SUGCT: variants seen among roughly 807,000 people sequenced by gnomAD.
The protein encoded by SUGCT is succinyl-CoA:glutarate-CoA transferase.
A neutral mutation model predicts 55.0 loss-of-function variants in SUGCT; 41 were observed. The observed-to-expected ratio is 0.74, with a 90% CI of 0.58 to 0.97. SUGCT has a LOEUF of 0.97. Ranked by LOEUF, SUGCT falls within the 50% of genes least tolerant of loss-of-function variation. The probability of loss-of-function intolerance (pLI) is 0.00; values close to 1 mark genes in which losing one functional copy is unlikely to be tolerated. For synonymous variants in SUGCT, 187 were observed against 200.4 expected (o/e 0.93, Z 0.56); for missense variants, 568 against 547.8 (o/e 1.04, Z -0.37).
At chr7:40,370,625 G>GGA (rs1338477034) in intron 9 of SUGCT, among the ~76,000 whole-genome samples, 1 of 141,046 alleles carries the variant, frequency 7.1e-6, no homozygotes, top group Non-Finnish European at 1.5e-5. Flanking sequence ...GAGAGATGGG[G>GGA]GAGAGAGAGA....
At chr7:40,790,772 G>A (rs1001037762) in intron 13 of SUGCT, among the ~76,000 whole-genome samples, 4 of 152,198 alleles carry the variant, frequency 2.6e-5, no homozygotes, top group African/African-American at 9.7e-5. Context: ...AACTTATCAA[G>A]TGATGAATAA....
At chr7:40,206,188 A>G (rs945648030) in intron 6 of SUGCT, among the ~76,000 whole-genome samples, 39 of 152,300 alleles carry the variant, frequency 2.6e-4, no homozygotes, top group African/African-American at 8.2e-4. Context: ...GTTTCCCCTT[A>G]TGGTAATAGG....
At chr7:40,427,637 T>C (rs896663177) in intron 9 of SUGCT, among the ~76,000 whole-genome samples, 1 of 152,084 alleles carries the variant, frequency 6.6e-6, no homozygotes, top group Non-Finnish European at 1.5e-5. Flanking sequence ...TAATCAGTCA[T>C]TGTGGTGGTT....
At chr7:41,026,003 T>A in the SUGCT span, among the ~76,000 whole-genome samples, 2 of 152,186 alleles carry the variant, frequency 1.3e-5, no homozygotes, top group East Asian at 1.9e-4. Context: ...GCCAGCACAC[T>A]TTTTACAACA....
intron 12 of SUGCT, among the ~76,000 whole-genome samples, chr7:40,557,116 G>A (rs1795596166): frequency 1.3e-5 from 2 of 152,184 alleles, no homozygotes; most frequent in Admixed American, 1.3e-4. Context: ...AATCAGAACA[G>A]TATGATCTGA....
intron 9 of SUGCT, among the ~76,000 whole-genome samples, chr7:40,335,312 G>A (rs36137425): frequency 0.53 from 79,614 of 151,196 alleles, 21,245 homozygotes; most frequent in South Asian, 0.64. Flanking sequence ...GATGGGGATG[G>A]CATTGAATCT....
intron 12 of SUGCT, among the ~76,000 whole-genome samples, chr7:40,556,995 A>G (rs1300275479): frequency 6.6e-6 from 1 of 152,232 alleles, no homozygotes; most frequent in African/African-American, 2.4e-5. Flanking sequence ...TTTTTTACAG[A>G]AATAAAAAAC....
At chr7:40,930,980 G>C in the SUGCT span, among the ~76,000 whole-genome samples, 2 of 152,164 alleles carry the variant, frequency 1.3e-5, no homozygotes, top group Non-Finnish European at 2.9e-5. Flanking sequence ...TGGTGAGAGA[G>C]GGCATCCCTG....
chr7:40,875,226 G>C, the SUGCT span, among the ~76,000 whole-genome samples: 1 of 152,210 alleles, frequency 6.6e-6, no homozygotes, highest in Non-Finnish European at 1.5e-5. Context: ...TAGTGTTCAG[G>C]AAATAGTTGT....
chr7:40,699,494 C>T (rs543328644), intron 12 of SUGCT, among the ~76,000 whole-genome samples: 7 of 152,300 alleles, frequency 4.6e-5, no homozygotes, highest in African/African-American at 1.4e-4. Context: ...TGATGAGTCT[C>T]CCCGTGTCCT....
At chr7:40,290,162 G>A (rs1303201191) in intron 8 of SUGCT, among the ~76,000 whole-genome samples, 1 of 151,970 alleles carries the variant, frequency 6.6e-6, no homozygotes, top group Admixed American at 6.6e-5. Flanking sequence ...CTACTTTAAA[G>A]TTCATATGGA....
At chr7:40,712,539 T>C (rs539399703) in intron 12 of SUGCT, among the ~76,000 whole-genome samples, 1 of 152,362 alleles carries the variant, frequency 6.6e-6, no homozygotes, top group East Asian at 1.9e-4. Flanking sequence ...AAAAAGAGTT[T>C]AGGATTATAT....
At chr7:40,910,399 T>C in the SUGCT span, among the ~76,000 whole-genome samples, 2 of 152,182 alleles carry the variant, frequency 1.3e-5, no homozygotes, top group Non-Finnish European at 2.9e-5. Context: ...AGGAAATAGT[T>C]AACTTATCAT....
chr7:40,391,545 A>C lies in SUGCT; in HGVS notation c.817-57742A>C, dbSNP rs532729684. ...GACACATGAAAAAATGCTCAGCATC[A>C]CTGGTCATCAGAGAAATGCAAATCA... is the stretch of plus-strand genomic sequence containing the variant. On this transcript the variant is annotated intron_variant, in intron 9 of 13. Transcript: ENST00000335693. Among the ~76,000 whole-genome samples, 7 of 152,362 alleles carry C rather than the reference A, an allele frequency of 4.6e-5. 1 individual carries two copies. In the South Asian group the frequency reaches 1.4e-3, roughly 32 times the overall value.
At chr7:40,549,100 G>A (rs1262340670) in intron 12 of SUGCT, among the ~76,000 whole-genome samples, 1 of 152,144 alleles carries the variant, frequency 6.6e-6, no homozygotes, top group Non-Finnish European at 1.5e-5. Context: ...ACTTGTGAAT[G>A]TATGGATTAC....
intron 9 of SUGCT, among the ~76,000 whole-genome samples, chr7:40,322,785 C>T (rs1205062587): frequency 6.6e-6 from 1 of 151,798 alleles, no homozygotes; most frequent in Non-Finnish European, 1.5e-5. Context: ...AGACCTGTCT[C>T]TCAAATAAAA....
chr7:40,194,787 T>G (rs1380190829), intron 5 of SUGCT, among the ~76,000 whole-genome samples, 153 bp from the exon 6 acceptor site: 1 of 152,244 alleles, frequency 6.6e-6, no homozygotes. Context: ...TTTAAGTAGT[T>G]GACTAGAACT....
chr7:40,349,553 A>G (rs959128311), intron 9 of SUGCT, among the ~76,000 whole-genome samples: 2 of 152,172 alleles, frequency 1.3e-5, no homozygotes, highest in African/African-American at 2.4e-5. Context: ...GTCAGTGCAC[A>G]AATTCTGGGG....
chr7:41,017,950 G>A, the SUGCT span, among the ~76,000 whole-genome samples: 2 of 151,556 alleles, frequency 1.3e-5, no homozygotes, highest in East Asian at 3.9e-4. Flanking sequence ...GTCAGCTGGG[G>A]AGTTGCAGGA....
Sources: gnomAD v4.1 joint callset for allele counts (sites outside exome capture counted in the v4.1 genomes callset) on GRCh38, gnomAD v4.1.1 for gene constraint, MANE v1.5 for transcripts, NCBI Gene and HGNC (gene_info 2026-07-23, HGNC 2026-07-21) for gene names.